The following ORC4 variants were observed in gnomAD, a reference collection of about 807,000 sequenced individuals.
ORC4 encodes the protein origin recognition complex subunit 4.
ORC4 carries 55 observed loss-of-function variants against 63.9 expected under a neutral mutation model. The ratio of observed to expected loss-of-function variants is 0.86; its 90% CI spans 0.69 to 1.08. The LOEUF is 1.08. Among genes scored for constraint, ORC4 ranks in the 50% least tolerant of loss-of-function variants. The pLI, the probability that ORC4 is intolerant of heterozygous loss-of-function variation, is 0.00. For missense variants in ORC4, 511 were observed against 504.4 expected, an observed-to-expected ratio of 1.01 and a Z score of -0.13; for synonymous variants, 150 against 168.5, an observed-to-expected ratio of 0.89 and a Z score of 0.85.
intron 6 of ORC4, among the ~76,000 whole-genome samples, chr2:147,956,523 G>A (rs920271561): frequency 7.2e-5 from 11 of 152,162 alleles, no homozygotes; most frequent in Non-Finnish European, 8.8e-5. Flanking sequence ...TGAATTAAGT[G>A]ACTTAGGTTC....
At chr2:147,946,710 T>C (rs1348503523) in intron 9 of ORC4, among the ~76,000 whole-genome samples, 1 of 152,070 alleles carries the variant, frequency 6.6e-6, no homozygotes, top group East Asian at 1.9e-4. Flanking sequence ...CAATTATGTA[T>C]AGTTGTATTA....
chr2:148,005,869 G>A (rs1437133941), intron 1 of ORC4, among the ~76,000 whole-genome samples: 7 of 151,922 alleles, frequency 4.6e-5, no homozygotes, highest in Admixed American at 6.6e-5. Flanking sequence ...CCAGCTACTC[G>A]GGAGGCTGAG....
chr2:147,958,978 A>G (rs1181567607), intron 4 of ORC4, 112 bp from the exon 5 acceptor site: 2 of 583,850 alleles, frequency 3.4e-6, no homozygotes, highest in Non-Finnish European at 6.2e-6. Flanking sequence ...GACCTCTTTA[A>G]CAAGTAAGTT....
At chr2:147,945,530 G>A (rs1169664543) in intron 9 of ORC4, among the ~76,000 whole-genome samples, 1 of 152,028 alleles carries the variant, frequency 6.6e-6, no homozygotes, top group Non-Finnish European at 1.5e-5. Flanking sequence ...AGTACTTTGG[G>A]AGATTTCATT....
intron 4 of ORC4, among the ~76,000 whole-genome samples, chr2:147,967,506 C>T (rs370835504): frequency 1.3e-5 from 2 of 149,130 alleles, no homozygotes; most frequent in Non-Finnish European, 3.0e-5. Context: ...ACAAACTACC[C>T]GAAAAAAAAA....
intron 1 of ORC4, among the ~76,000 whole-genome samples, chr2:148,008,053 C>T (rs903495305): frequency 2.6e-5 from 4 of 152,088 alleles, no homozygotes; most frequent in African/African-American, 4.8e-5. Context: ...ATACATCCAC[C>T]GAAATTATCC....
chr2:147,995,256 A>G (rs1333446529), intron 1 of ORC4, among the ~76,000 whole-genome samples: 1 of 151,650 alleles, frequency 6.6e-6, no homozygotes, highest in Non-Finnish European at 1.5e-5. Flanking sequence ...TTGTAAATGC[A>G]CCAATCAGCA....
chr2:147,995,983 G>C (rs1456174985), intron 1 of ORC4, among the ~76,000 whole-genome samples: 1 of 150,222 alleles, frequency 6.7e-6, no homozygotes, highest in East Asian at 1.9e-4. Context: ...CTGGGCGACA[G>C]AGCAAGACTC....
intron 2 of ORC4, among the ~76,000 whole-genome samples, chr2:147,974,533 G>T (rs17218973): frequency 1.3e-4 from 19 of 151,870 alleles, no homozygotes; most frequent in African/African-American, 4.1e-4. Context: ...TACTTGGGAG[G>T]CTGAGGCAGG....
intron 1 of ORC4, among the ~76,000 whole-genome samples, chr2:147,985,673 G>C (rs1206911351): frequency 6.6e-6 from 1 of 152,194 alleles, no homozygotes; most frequent in Non-Finnish European, 1.5e-5. Flanking sequence ...TCTTAGGTTA[G>C]TTCTAATCAC....
At chr2:147,975,506 G>GAAAAAAAAAAAAAAAAAAA (rs36022428) in intron 2 of ORC4, among the ~76,000 whole-genome samples, 1 of 143,704 alleles carries the variant, frequency 7.0e-6, no homozygotes. Flanking sequence ...CAAGAAAAGG[G>GAAAAAAAAAAAAAAAAAAA]AAAAAAAAAA....
intron 1 of ORC4, among the ~76,000 whole-genome samples, chr2:147,983,901 T>G (rs1258542441): frequency 6.6e-6 from 1 of 152,040 alleles, no homozygotes; most frequent in East Asian, 1.9e-4. Context: ...GAAGACAAGG[T>G]GGAGATAGAT....
chr2:148,000,762 GT>G (rs1320698356), intron 1 of ORC4, among the ~76,000 whole-genome samples: 1 of 152,120 alleles, frequency 6.6e-6, no homozygotes, highest in East Asian at 1.9e-4. Context: ...TGGAAAGGCT[GT>G]TTTGACAACC....
chr2:147,993,538 A>G (rs1691751912), intron 1 of ORC4, among the ~76,000 whole-genome samples: 1 of 152,190 alleles, frequency 6.6e-6, no homozygotes, highest in South Asian at 2.1e-4. Flanking sequence ...TAAATTCTAG[A>G]GTCAACGAAA....
At chr2:148,021,508 C>A, upstream of ORC4, 1 of 577,104 alleles carries the variant, frequency 1.7e-6, no homozygotes. Context: ...ACTGCTGCTG[C>A]TGCTACTGCT....
Position 147,950,917 on chromosome 2 carries a change from C to G in ORC4, c.588+1456G>C, listed in dbSNP as rs1688923796. On this transcript the variant is annotated intron_variant, in intron 8 of 13. Coordinates refer to ENST00000392857, the MANE Select transcript of ORC4 (RefSeq NM_181741.4). ...TCCGTTATTGGGTCAACAACACTCA[C>G]CACAGCCACTTCCACCCAAAGGAAG... Among the ~76,000 whole-genome samples, 4 of 151,854 alleles carry G rather than the reference C, an allele frequency of 2.6e-5. No individual in the cohort carries two copies. In the East Asian group the frequency reaches 7.8e-4, roughly 29 times the overall value.
intron 7 of ORC4, among the ~76,000 whole-genome samples, chr2:147,953,345 AG>A (rs1273943489): frequency 1.3e-5 from 2 of 152,158 alleles, no homozygotes; most frequent in Admixed American, 1.3e-4. Flanking sequence ...AGACTCTAGT[AG>A]AGTTTGTTGT....
rs1452565985 is a variant in ORC4 at position 147,931,463 on chromosome 2, A to G, written c.*4047T>C. The stretch of plus-strand genomic sequence containing the variant: ...TTCCACAATGGTTGAACTAGTTTAC[A>G]GTCCCACCAACAGTGTGAAAGTGTT... On this transcript the variant is annotated 3_prime_UTR_variant, in exon 14 of 14. Transcript: ENST00000392857. 6.6e-6 allele frequency: 1 copy of G among 152,112 alleles called. No individual in the cohort carries two copies. The highest frequency in any genetic ancestry group is 1.5e-5 in the Non-Finnish European group (1 of 68,020). The allele number at this position is 152,112 out of a possible 1,614,324, so 9.4% of individuals were successfully genotyped here.
intron 7 of ORC4, 79 bp downstream of exon 7, chr2:147,955,268 G>T: frequency 2.2e-6 from 2 of 920,130 alleles, no homozygotes; most frequent in Non-Finnish European, 3.4e-6. Flanking sequence ...TTTGGCAAAA[G>T]CTTGTATTAC....
Sources: allele counts gnomAD v4.1 joint callset (sites outside exome capture counted in the v4.1 genomes callset), GRCh38; gene constraint gnomAD v4.1.1; transcripts MANE v1.5; gene names NCBI Gene and HGNC (gene_info 2026-07-23, HGNC 2026-07-21).